Variants in DNAJC6 observed in about 807,000 individuals in gnomAD.
DNAJC6 encodes DnaJ heat shock protein family (Hsp40) member C6.
In DNAJC6, 34 loss-of-function variants were observed where a neutral mutation model predicts 110.0. The ratio of observed to expected loss-of-function variants is 0.31; its 90% confidence interval spans 0.24 to 0.41. The LOEUF (loss-of-function observed/expected upper bound fraction) is 0.41, where lower values mean the gene tolerates loss of function less well. Ranked by LOEUF, DNAJC6 falls within the 10% of genes least tolerant of loss-of-function variation. The pLI is 1.00. For missense variants in DNAJC6, 1,031 were observed against 1,207.8 expected (o/e 0.85, Z 2.17); for synonymous variants, 406 against 437.2 (o/e 0.93, Z 0.89).
intron 1 of DNAJC6, among the ~76,000 whole-genome samples, chr1:65,326,841 AT>A (rs1281115498): frequency 6.6e-6 from 1 of 152,212 alleles, no homozygotes. Flanking sequence ...CAAATTCTAA[AT>A]TCCAGGAGGA....
chr1:65,382,173 C>A (rs1013158061), intron 5 of DNAJC6, among the ~76,000 whole-genome samples: 3 of 152,202 alleles, frequency 2.0e-5, no homozygotes, highest in Admixed American at 6.5e-5. Flanking sequence ...AAAGGAATCT[C>A]CATTGGTTTG....
intron 16 of DNAJC6, among the ~76,000 whole-genome samples, chr1:65,407,114 A>G (rs145540470): frequency 2.6e-3 from 389 of 152,302 alleles, no homozygotes; most frequent in African/African-American, 8.9e-3. Flanking sequence ...CAAATTGTGC[A>G]CTATTATGAG....
At position 65,408,722 on chromosome 1, in the gene DNAJC6, G is replaced by T; in HGVS notation, c.2573G>T (p.Arg858Leu). ...FNAHKDKKGP[R>L]TIAEMRKEEM... is the part of the protein sequence containing the mutation. The stretch of plus-strand genomic sequence containing the variant: ...GCTCACAAAGACAAAAAGGGGCCTC[G>T]GACAATAGCTGAGATGAGAAAGGAG... Residue 858 changes from arginine to leucine, a missense_variant, in exon 17 of 19, where the codon CGG (arginine) becomes CTG (leucine). Physicochemically the swap from Arg to Leu is moderately radical, Grantham distance 102. Transcript: ENST00000371069. 6.2e-7 allele frequency: 1 copy of T among 1,613,980 alleles called. No individual in the cohort carries two copies. The highest frequency in any genetic ancestry group is 1.7e-5 in the Admixed American group (1 of 59,990).
At chr1:65,380,401 C>T (rs1023953157) in intron 5 of DNAJC6, among the ~76,000 whole-genome samples, 1 of 152,206 alleles carries the variant, frequency 6.6e-6, no homozygotes, top group Non-Finnish European at 1.5e-5. Flanking sequence ...ACCCCCTGTC[C>T]TTTCTTGAGA....
At chr1:65,324,154 A>G (rs1276863047) in intron 1 of DNAJC6, among the ~76,000 whole-genome samples, 1 of 151,766 alleles carries the variant, frequency 6.6e-6, no homozygotes, top group East Asian at 2.0e-4. Context: ...GGGATTGTTC[A>G]TAAGTTTTTT....
intron 2 of DNAJC6, among the ~76,000 whole-genome samples, chr1:65,365,607 A>G (rs1368803965): frequency 6.6e-6 from 1 of 152,140 alleles, no homozygotes; most frequent in Non-Finnish European, 1.5e-5. Flanking sequence ...GGTGTTGATA[A>G]ATAAGCAGAG....
At chr1:65,342,172 C>G (rs953455522) in intron 1 of DNAJC6, among the ~76,000 whole-genome samples, 1 of 152,106 alleles carries the variant, frequency 6.6e-6, no homozygotes, top group African/African-American at 2.4e-5. Context: ...GGAACACAGG[C>G]TTTGGAGTGA....
Position 65,394,936 on chromosome 1 carries a change from T to A in DNAJC6, c.1942T>A (p.Ser648Thr), listed in dbSNP as rs1188907073. 3 of 1,610,008 alleles carry A rather than the reference T, an allele frequency of 1.9e-6. No homozygotes were observed. The highest frequency in any genetic ancestry group is 2.5e-6 in the Non-Finnish European group (3 of 1,178,702). The change falls in exon 13 of 19, where the codon TCA becomes ACA. Residue 648 changes from serine to threonine, a missense_variant. Ser to Thr is a moderately conservative substitution (Grantham distance 58, BLOSUM62 1). Coordinates refer to ENST00000371069, the MANE Select transcript of DNAJC6 (RefSeq NM_001256864.2). ...FDPFGAPSKP[S>T]GQDLLGSFLN... ...CCCATTTGGAGCACCTTCTAAACCA[T>A]CAGGTCAGGATTTGCTGGGTTCTTT... is the stretch of plus-strand genomic sequence containing the variant.
rs1644997574 is a variant in DNAJC6, at chr1:65,302,527, T to TA, written c.-131+37595_-131+37596insA. ...CCCCTTGCTGTCTCTTCCTTTCTTT[T>TA]TTTTTTTTTTTTTTTTTTTGAGACG... is the stretch of plus-strand genomic sequence containing the variant. On this transcript the variant is annotated intron_variant, in intron 1 of 19. Transcript: ENST00000263441. Among the ~76,000 whole-genome samples the TA allele has an allele frequency of 3.9e-5, 5 of 128,018 alleles. No homozygotes were observed. The South Asian group carries it at 1.3e-3, about 33-fold the overall frequency. The allele number at this position is 128,018 out of a possible 152,430, so 84.0% of individuals were successfully genotyped here. A position where few individuals can be genotyped will look rare whatever the true frequency, so the allele number is the denominator to read the frequency against.
At chr1:65,390,342 G>A (rs1463663266) in intron 11 of DNAJC6, among the ~76,000 whole-genome samples, 8 of 152,200 alleles carry the variant, frequency 5.3e-5, no homozygotes, top group Admixed American at 5.2e-4. Context: ...TAGCAGGGCA[G>A]AACTGAGCTT....
chr1:65,292,834 C>A (rs1455579864), intron 1 of DNAJC6, among the ~76,000 whole-genome samples: 2 of 152,174 alleles, frequency 1.3e-5, no homozygotes, highest in South Asian at 4.1e-4. Flanking sequence ...CACAATTCTG[C>A]TGGCAGTAAT....
At chr1:65,312,166 T>C (rs1341165278) in intron 1 of DNAJC6, among the ~76,000 whole-genome samples, 1 of 152,272 alleles carries the variant, frequency 6.6e-6, no homozygotes, top group Non-Finnish European at 1.5e-5. Flanking sequence ...CAAAGTGGTG[T>C]TGTGTGAAGA....
Position 65,380,921 on chromosome 1 carries a change from G to GTT in DNAJC6, c.666+1412_666+1413dup, listed in dbSNP as rs1162044500. On this transcript the variant is annotated intron_variant, in intron 5 of 18. Transcript: ENST00000371069. ...TTTTTTTTGTTTTTTGTTTTGTTTTGTTTTTTTTTTTTTTTTGGGACCGAG... is the reference window on the plus strand; with the variant it reads ...TTTTTTTTGTTTTTTGTTTTGTTTTGTTTTTTTTTTTTTTTTTTGGGACCGAG... Among the ~76,000 whole-genome samples the GTT allele has an allele frequency of 6.1e-4, 61 of 99,320 alleles. 2 individuals carry two copies. The highest frequency in any genetic ancestry group is 2.8e-3 in the African/African-American group (52 of 18,386). The allele number at this position is 99,320 out of a possible 152,430, so 65.2% of individuals were successfully genotyped here.
intron 1 of DNAJC6, among the ~76,000 whole-genome samples, chr1:65,355,291 A>C (rs1397966556): frequency 6.6e-6 from 1 of 151,776 alleles, no homozygotes. Flanking sequence ...AAAAAAGAAA[A>C]AGATTATCCT....
intron 1 of DNAJC6, among the ~76,000 whole-genome samples, chr1:65,273,203 G>A (rs1037922666): frequency 2.0e-5 from 3 of 152,078 alleles, no homozygotes; most frequent in Non-Finnish European, 4.4e-5. Context: ...ACACTCTTTG[G>A]CTATAACTTA....
chr1:65,340,813 C>T (rs181947145), intron 1 of DNAJC6, among the ~76,000 whole-genome samples: 15 of 152,262 alleles, frequency 9.9e-5, no homozygotes, highest in Non-Finnish European at 1.9e-4. Flanking sequence ...AGGGCTGTGG[C>T]TGTGTTATTA....
At chr1:65,284,218 C>T (rs555410059) in intron 1 of DNAJC6, among the ~76,000 whole-genome samples, 2 of 152,296 alleles carry the variant, frequency 1.3e-5, no homozygotes, top group East Asian at 1.9e-4. Flanking sequence ...CTGCTCCATA[C>T]AGTGAGGTCT....
intron 4 of DNAJC6, 129 bp downstream of exon 4, chr1:65,366,325 T>C: frequency 4.0e-6 from 4 of 988,592 alleles, no homozygotes; most frequent in East Asian, 2.4e-5. Flanking sequence ...GACACTTCTG[T>C]TCACAAAATA....
chr1:65,284,762 C>T (rs1653960187), intron 1 of DNAJC6, among the ~76,000 whole-genome samples: 1 of 151,632 alleles, frequency 6.6e-6, no homozygotes, highest in Non-Finnish European at 1.5e-5. Context: ...GATCTCGGCT[C>T]ACTGCAACCT....
Sources: gnomAD v4.1 joint callset for allele counts (sites outside exome capture counted in the v4.1 genomes callset) on GRCh38, gnomAD v4.1.1 for gene constraint, MANE v1.5 for transcripts, NCBI Gene and HGNC (gene_info 2026-07-23, HGNC 2026-07-21) for gene names.